PALM: variants seen among roughly 807,000 people sequenced by gnomAD.
PALM encodes the protein paralemmin-1.
PALM carries 18 observed loss-of-function variants against 30.7 expected under a neutral mutation model. The ratio of observed to expected loss-of-function variants is 0.59; its 90% CI spans 0.41 to 0.87. The LOEUF (loss-of-function observed/expected upper bound fraction) is 0.87. Ranked by LOEUF, PALM falls within the 40% of genes least tolerant of loss-of-function variation. PALM has a pLI of 0.00. For synonymous variants in PALM, 286 were observed against 242.8 expected, an observed-to-expected ratio of 1.18 and a Z score of -1.66; for missense variants, 529 against 555.4, an observed-to-expected ratio of 0.95 and a Z score of 0.48.
At chr19:719,481 G>A (rs1170162890) in intron 1 of PALM, 1 of 985,068 alleles carries the variant, frequency 1.0e-6, no homozygotes, top group South Asian at 4.7e-5. Flanking sequence ...GGCGTCGGGC[G>A]GGGGGCGTGG....
chr19:746,931 G>T lies in PALM; in HGVS notation c.*117G>T, dbSNP rs2033366580. 1 of 660,350 alleles carries T rather than the reference G, an allele frequency of 1.5e-6. No individual in the cohort carries two copies. The allele number at this position is 660,350 out of a possible 1,614,324, so 40.9% of individuals were successfully genotyped here. ...TCACGGGTCCAGGACTTGGCGTGTT[G>T]TTACATGTTCCTTCCGAGTTTTCTT... On this transcript the variant is annotated 3_prime_UTR_variant, in exon 9 of 9. Transcript: ENST00000338448. This position sits in a 1 kb window ranked among gnomAD's most constrained non-coding sequence, Gnocchi z 7.1.
At chr19:710,118 C>T (rs916923218) in intron 1 of PALM, among the ~76,000 whole-genome samples, 1 of 152,112 alleles carries the variant, frequency 6.6e-6, no homozygotes, top group Non-Finnish European at 1.5e-5. Context: ...GGCCCGGGTC[C>T]CCACCCCAGC....
At chr19:732,785 G>A (rs568675882) in intron 5 of PALM, among the ~76,000 whole-genome samples, 14 of 152,214 alleles carry the variant, frequency 9.2e-5, no homozygotes, top group African/African-American at 2.6e-4. Flanking sequence ...ACCCAGGGAG[G>A]GTGGTCAGGC....
chr19:727,235 C>T, intron 3 of PALM, 147 bp downstream of exon 3: 1 of 435,260 alleles, frequency 2.3e-6, no homozygotes, highest in Non-Finnish European at 4.1e-6. Context: ...CGACCCTGAC[C>T]CCGACCCCGA....
chr19:733,260 T>G (rs1254065568), intron 5 of PALM, among the ~76,000 whole-genome samples: 3 of 152,116 alleles, frequency 2.0e-5, no homozygotes, highest in Admixed American at 2.0e-4. Flanking sequence ...ATAGGAGTTC[T>G]CCAGGTGCTT....
At chr19:726,960 TCC>T in intron 2 of PALM, 46 bp from the exon 3 acceptor site, 1 of 1,006,650 alleles carries the variant, frequency 9.9e-7, no homozygotes. Flanking sequence ...TGGGGGGGTC[TCC>T]GGGACCCCCA....
At chr19:710,531 G>A (rs1315660475) in intron 1 of PALM, among the ~76,000 whole-genome samples, 1 of 152,192 alleles carries the variant, frequency 6.6e-6, no homozygotes, top group Admixed American at 6.5e-5. Flanking sequence ...CTAGGAGGAC[G>A]ACGGAGATCT....
chr19:736,312 G>A (rs917977119), intron 7 of PALM, among the ~76,000 whole-genome samples: 16 of 152,288 alleles, frequency 1.1e-4, no homozygotes, highest in African/African-American at 1.4e-4. Flanking sequence ...CCGAGAAGAC[G>A]GGCCCCACGC....
At chr19:734,299 C>T (rs947141991) in intron 6 of PALM, 105 bp downstream of exon 6, 2 of 1,089,420 alleles carry the variant, frequency 1.8e-6, no homozygotes, top group Non-Finnish European at 2.8e-6. Context: ...GTGCCTCACG[C>T]CTGTGATCCC....
intron 1 of PALM, among the ~76,000 whole-genome samples, chr19:714,385 GTCTC>G (rs1478475454): frequency 1.5e-5 from 2 of 130,318 alleles, no homozygotes; most frequent in Admixed American, 8.4e-5. Context: ...TTCAGATGGA[GTCTC>G]TCTCTGTCGC....
chr19:712,689 T>TA (rs397860080), intron 1 of PALM, among the ~76,000 whole-genome samples: 1 of 150,178 alleles, frequency 6.7e-6, no homozygotes, highest in African/African-American at 2.5e-5. Flanking sequence ...GGTTTTTTTT[T>TA]ATTGGAGACA....
At chr19:745,134 C>T (rs954850843) in intron 8 of PALM, among the ~76,000 whole-genome samples, 1 of 152,072 alleles carries the variant, frequency 6.6e-6, no homozygotes, top group African/African-American at 2.4e-5. Context: ...GAACTGAGAT[C>T]GTGCCATTGC....
chr19:732,964 A>C (rs1314778754), intron 5 of PALM, among the ~76,000 whole-genome samples: 1 of 149,734 alleles, frequency 6.7e-6, no homozygotes, highest in African/African-American at 2.5e-5. Context: ...ACAGAGTTTC[A>C]CTCTTGTTAC....
intron 4 of PALM, among the ~76,000 whole-genome samples, chr19:730,531 G>C (rs2032836817): frequency 6.6e-6 from 1 of 152,174 alleles, no homozygotes; most frequent in African/African-American, 2.4e-5. Context: ...GAGTTCATTT[G>C]ATACAGACAG....
In PALM at chr19:727,604, C is replaced by G. The variant is rs1235610401; in HGVS notation, c.179C>G (p.Pro60Arg). The G allele has an allele frequency of 1.3e-6, 2 of 1,582,868 alleles. No homozygotes were observed. Among genetic ancestry groups the G allele is most frequent in the Non-Finnish European group, 1.7e-6 (2 of 1,165,372 alleles). ...LRERWLLEGT[P>R]SSASEGDEDL... ...GAGCGCTGGCTGCTGGAGGGGACGC[C>G]GTCCTCGGCCTCAGAGGGGGATGAG... The change falls in exon 4 of 9, where the codon CCG (proline) becomes CGG (arginine). Residue 60 changes from proline (P) to arginine (R), a missense_variant. By Grantham distance (103) the Pro-to-Arg change is moderately radical (BLOSUM62 -2). Transcript: ENST00000338448.
chr19:719,614 C>T, intron 1 of PALM: 1 of 986,502 alleles, frequency 1.0e-6, no homozygotes, highest in Non-Finnish European at 1.2e-6. Context: ...CCGCCCTGAG[C>T]TTTTCCACGC....
At chr19:710,704 G>A (rs2032049780) in intron 1 of PALM, among the ~76,000 whole-genome samples, 1 of 140,430 alleles carries the variant, frequency 7.1e-6, no homozygotes, top group South Asian at 2.2e-4. Context: ...GGGGGCCTCG[G>A]TGCCTCCTGC....
intron 8 of PALM, among the ~76,000 whole-genome samples, chr19:744,881 G>A (rs1361445306): frequency 3.6e-5 from 4 of 112,324 alleles, no homozygotes; most frequent in Admixed American, 8.9e-5. Context: ...GCGACAGAGG[G>A]AGTCAAAAAA....
At position 711,917 on chromosome 19, in the gene PALM, T is replaced by C. The variant is rs548781240; in HGVS notation, c.5+2766T>C. Among the ~76,000 whole-genome samples, 649 of 152,040 alleles carry C rather than the reference T, an allele frequency of 4.3e-3. 3 individuals carry two copies. The highest frequency in any genetic ancestry group is 0.014 in the African/African-American group (599 of 41,440). ...CGACAGCATTGCATGGGAAGGTGGT[T>C]TGAGAAGTGCAGGCGTAATTTATTC... On this transcript the variant is annotated intron_variant, in intron 1 of 8. Transcript: ENST00000338448.
Sources: allele counts gnomAD v4.1 joint callset (sites outside exome capture counted in the v4.1 genomes callset), GRCh38; gene constraint gnomAD v4.1.1; non-coding constraint Gnocchi (gnomAD v3.1); transcripts MANE v1.5; gene names NCBI Gene and HGNC (gene_info 2026-07-23, HGNC 2026-07-21).